The following TSPAN4 variants were observed in gnomAD, a reference collection of about 807,000 sequenced individuals.
TSPAN4 encodes the protein tetraspanin 4.
TSPAN4 carries 38 observed loss-of-function variants against 31.5 expected under a neutral mutation model. The ratio of observed to expected loss-of-function variants is 1.21; its 90% CI spans 0.93 to 1.58. The LOEUF is 1.58. TSPAN4 is among the 40% of genes most tolerant of loss of function. The probability of loss-of-function intolerance (pLI) is 0.00; values close to 1 mark genes in which losing one functional copy is unlikely to be tolerated. For missense variants in TSPAN4, 330 were observed against 317.3 expected (o/e 1.04, Z -0.30); for synonymous variants, 186 against 144.6 (o/e 1.29, Z -2.06).
Position 864,442 on chromosome 11 carries a change from C to G in TSPAN4, c.261C>G (p.Phe87Leu). Reference sequence around the variant, plus strand: ...TGAGCCTGCCCCCTCCACAGTTCTTCCTGCTGCTGCTGCTGGTGTTCCTGC... The same window carrying G: ...TGAGCCTGCCCCCTCCACAGTTCTTGCTGCTGCTGCTGCTGGTGTTCCTGC... ...KENKCLLLTFFLLLLLVFLLE... is the reference protein window; with the variant it reads ...KENKCLLLTFLLLLLLVFLLE... Residue 87 changes from phenylalanine to leucine, a missense_variant, in exon 5 of 9, where the codon TTC becomes TTG. Physicochemically the swap from Phe to Leu is conservative, Grantham distance 22 (BLOSUM62 0). Transcript: ENST00000397397. 2 of 1,611,506 alleles carry G rather than the reference C, an allele frequency of 1.2e-6. No individual in the cohort carries two copies. The highest frequency in any genetic ancestry group is 1.7e-6 in the Non-Finnish European group (2 of 1,179,122).
intron 3 of TSPAN4, among the ~76,000 whole-genome samples, chr11:851,302 A>G (rs573155179): frequency 6.6e-6 from 1 of 152,276 alleles, no homozygotes; most frequent in East Asian, 1.9e-4. Flanking sequence ...AGTGATACCA[A>G]GGTCATTCTG....
intron 1 of TSPAN4, 28 bp downstream of exon 1, chr11:842,943 T>A: frequency 6.5e-6 from 1 of 154,038 alleles, no homozygotes; most frequent in Non-Finnish European, 1.4e-5. Flanking sequence ...TGTGGGGGCG[T>A]GCGGCCAGGG....
At chr11:865,482 G>A (rs1397791741) in intron 5 of TSPAN4, 31 bp from the exon 6 acceptor site, 4 of 1,570,902 alleles carry the variant, frequency 2.5e-6, no homozygotes, top group African/African-American at 1.4e-5. Flanking sequence ...TACAGTGGGA[G>A]GGGCCCTGCT....
intron 3 of TSPAN4, among the ~76,000 whole-genome samples, chr11:852,588 C>G (rs567962087): frequency 6.6e-6 from 1 of 152,138 alleles, no homozygotes; most frequent in Non-Finnish European, 1.5e-5. Flanking sequence ...GAGTCTGTCC[C>G]GGGCTGATGT....
rs980885343 is a variant in TSPAN4, at chr11:849,817, G to C, written c.-17-471G>C. On this transcript the variant is annotated intron_variant, in intron 2 of 8. Transcript: ENST00000397397. ...CGGGAGGGCGCGGGGCGGGGCGCGCGGGGTCGGGGGCGCGGGGGCCGCAGC... is the reference window on the plus strand; with the variant it reads ...CGGGAGGGCGCGGGGCGGGGCGCGCCGGGTCGGGGGCGCGGGGGCCGCAGC... 122 of 147,068 alleles carry C rather than the reference G, an allele frequency of 8.3e-4. 4 individuals carry two copies. Among genetic ancestry groups the C allele is most frequent in the Non-Finnish European group, 4.6e-4 (30 of 65,690 alleles). The allele number at this position is 147,068 out of a possible 1,614,324, so 9.1% of individuals were successfully genotyped here. A position where few individuals can be genotyped will look rare whatever the true frequency, so the allele number is the denominator to read the frequency against.
At position 865,967 on chromosome 11, in the gene TSPAN4, T is replaced by C. The variant is rs373294659; in HGVS notation, c.614T>C (p.Val205Ala). ...KVWLQENLLA[V>A]GIFGLCTALV... ...TGGCTTCAGGAGAACCTGCTGGCTGTGGGCATCTTTGGGCTGTGCACGGCG... is the reference window on the plus strand; with the variant it reads ...TGGCTTCAGGAGAACCTGCTGGCTGCGGGCATCTTTGGGCTGTGCACGGCG... The change falls in exon 8 of 9, where the codon GTG (valine) becomes GCG (alanine). Residue 205 changes from valine (V) to alanine (A), a missense_variant. Val to Ala is a moderately conservative substitution (Grantham distance 64). Transcript: ENST00000397397. 1 of 1,612,322 alleles carries C rather than the reference T, an allele frequency of 6.2e-7. No homozygotes were observed. The highest frequency in any genetic ancestry group is 1.3e-5 in the African/African-American group (1 of 74,896).
At chr11:850,247 C>T (rs753251773) in intron 2 of TSPAN4, 41 bp from the exon 3 acceptor site, 254 of 1,512,576 alleles carry the variant, frequency 1.7e-4, no homozygotes, top group Non-Finnish European at 2.1e-4. Context: ...GCAACAAGTA[C>T]GTGGTTTTCT....
Position 848,345 on chromosome 11 carries a change from T to C in TSPAN4, c.-18+1045T>C, listed in dbSNP as rs534597796. On this transcript the variant is annotated intron_variant, in intron 2 of 8. Coordinates refer to ENST00000397397, the MANE Select transcript of TSPAN4 (RefSeq NM_003271.5). This position sits in a 1 kb window ranked among gnomAD's most constrained non-coding sequence, Gnocchi z 5.7. ...GGCCATGGGAAGCCCCAGGATGGCC[T>C]TGTGGGCCTTCAGGGGACCTCCAGG... Among the ~76,000 whole-genome samples, 2 of 152,226 alleles carry C rather than the reference T, an allele frequency of 1.3e-5. No homozygotes were observed. Among genetic ancestry groups the C allele is most frequent in the Non-Finnish European group, 2.9e-5 (2 of 68,020 alleles).
chr11:862,970 C>T lies in TSPAN4; in HGVS notation c.255+229C>T, dbSNP rs555617822. ...GCGGTGTGGGGGTCACTCAAGAGAACGTGCTGTACCTTGTCAGGGGCCTCC... is the reference window on the plus strand; with the variant it reads ...GCGGTGTGGGGGTCACTCAAGAGAATGTGCTGTACCTTGTCAGGGGCCTCC... On this transcript the variant is annotated intron_variant, in intron 4 of 8. Transcript: ENST00000397397. The T allele has an allele frequency of 2.7e-4, 143 of 536,380 alleles. 5 individuals carry two copies. In the South Asian group the frequency reaches 3.3e-3, roughly 12 times the overall value. The allele number at this position is 536,380 out of a possible 1,614,324, so 33.2% of individuals were successfully genotyped here. A position where few individuals can be genotyped will look rare whatever the true frequency, so the allele number is the denominator to read the frequency against.
chr11:854,753 T>A (rs1343736377), intron 3 of TSPAN4, among the ~76,000 whole-genome samples: 1 of 152,194 alleles, frequency 6.6e-6, no homozygotes, highest in Non-Finnish European at 1.5e-5. Context: ...GGGGCCAGCC[T>A]TGGCTTCCCC....
chr11:865,721 ACT>A lies in TSPAN4; in HGVS notation c.461_462del (p.Thr154ArgfsTer13). 6.2e-7 allele frequency: 1 copy of A among 1,613,162 alleles called. No homozygotes were observed. Among genetic ancestry groups the A allele is most frequent in the Middle Eastern group, 1.6e-4 (1 of 6,062 alleles). The part of the protein sequence containing the change: ...DFRCCGVSNY[T>X]DWFEVYNATR... ...CCGCTGCTGTGGCGTCTCCAACTAC[ACT>A]GACTGGTTCGAGGTGTACAACGCCA... On this transcript the variant is annotated frameshift_variant, in exon 7 of 9. Coordinates refer to ENST00000397397, the MANE Select transcript of TSPAN4 (RefSeq NM_003271.5). LOFTEE classifies it high-confidence loss of function.
At chr11:856,893 A>T (rs1331740386) in intron 3 of TSPAN4, 1 of 152,246 alleles carries the variant, frequency 6.6e-6, no homozygotes, top group Non-Finnish European at 1.5e-5. Context: ...AATTGCAGGT[A>T]ATTTTATTAA....
intron 2 of TSPAN4, 105 bp from the exon 3 acceptor site, chr11:850,183 T>C (rs893460704): frequency 2.1e-6 from 2 of 946,150 alleles, no homozygotes; most frequent in Non-Finnish European, 3.1e-6. Context: ...TTCTTCGGCC[T>C]GCACGCGAAC....
intron 8 of TSPAN4, 101 bp from the exon 9 acceptor site, chr11:866,455 TGGGGTC>T (rs905592868): frequency 2.9e-6 from 3 of 1,027,534 alleles, no homozygotes; most frequent in African/African-American, 3.2e-5. Flanking sequence ...TCGCCCACCC[TGGGGTC>T]GGGGTCAGGG....
At chr11:853,725 C>T (rs982927719) in intron 3 of TSPAN4, among the ~76,000 whole-genome samples, 9 of 152,186 alleles carry the variant, frequency 5.9e-5, no homozygotes, top group African/African-American at 2.2e-4. Flanking sequence ...CATCTGGGGA[C>T]ATGCTACCTG....
chr11:853,776 C>T (rs906345533), intron 3 of TSPAN4, among the ~76,000 whole-genome samples: 2 of 152,340 alleles, frequency 1.3e-5, no homozygotes, highest in Non-Finnish European at 2.9e-5. Context: ...ATGGCAGCTC[C>T]GCTGGGGCAC....
intron 3 of TSPAN4, among the ~76,000 whole-genome samples, chr11:852,365 G>A (rs4963208): frequency 0.45 from 68,125 of 151,802 alleles, 15,866 homozygotes; most frequent in Admixed American, 0.52. Flanking sequence ...CTCGTGATCC[G>A]CCTGCCTCGA....
In TSPAN4 at chr11:865,516, G is replaced by A. The variant is rs776531769; in HGVS notation, c.334G>A (p.Asp112Asn). ...CTGACCCCCCCCGCACCCCCAGATT[G>A]ACAGGTATGCCCAGCAAGACCTGAA... The part of the protein sequence containing the change: ...ILFFAYTDKI[D>N]RYAQQDLKKG... Residue 112 changes from aspartate to asparagine, a missense_variant, in exon 6 of 9, where the codon GAC becomes AAC. Asp to Asn is a conservative substitution (Grantham distance 23). Transcript: ENST00000397397. The A allele has an allele frequency of 6.2e-7, 1 of 1,610,654 alleles. No individual in the cohort carries two copies. The highest frequency in any genetic ancestry group is 1.3e-5 in the African/African-American group (1 of 74,970).
chr11:849,379 G>A (rs957959589), intron 2 of TSPAN4, among the ~76,000 whole-genome samples: 15 of 152,202 alleles, frequency 9.9e-5, no homozygotes, highest in East Asian at 3.9e-4. Flanking sequence ...GCCCGGGGCG[G>A]AGCCGCTTCA....
Sources: gnomAD v4.1 joint callset for allele counts (sites outside exome capture counted in the v4.1 genomes callset) on GRCh38, gnomAD v4.1.1 for gene constraint, Gnocchi (gnomAD v3.1) non-coding constraint, MANE v1.5 for transcripts, NCBI Gene and HGNC (gene_info 2026-07-23, HGNC 2026-07-21) for gene names.